The following ALDH1A1 variants were observed in gnomAD, a reference collection of about 807,000 sequenced individuals.
ALDH1A1 encodes aldehyde dehydrogenase 1 family member A1.
Under a neutral mutation model 62.1 loss-of-function variants are expected in ALDH1A1, and 19 were observed. The observed-to-expected ratio is 0.31, with a 90% CI of 0.21 to 0.45. The LOEUF (loss-of-function observed/expected upper bound fraction) is 0.45, where lower values mean the gene tolerates loss of function less well. Ranked by LOEUF, ALDH1A1 falls within the 20% of genes least tolerant of loss-of-function variation. The probability of loss-of-function intolerance (pLI) is 1.00; values close to 1 mark genes in which losing one functional copy is unlikely to be tolerated. For synonymous variants in ALDH1A1, 231 were observed against 215.9 expected, an observed-to-expected ratio of 1.07 and a Z score of -0.61; for missense variants, 521 against 607.1, an observed-to-expected ratio of 0.86 and a Z score of 1.49.
intron 1 of ALDH1A1, among the ~76,000 whole-genome samples, chr9:72,947,224 G>T (rs2118581363): frequency 6.6e-6 from 1 of 152,058 alleles, no homozygotes; most frequent in South Asian, 2.1e-4. Context: ...TTCTGTCACT[G>T]GTTTGTAGCC....
chr9:72,932,796 A>T (rs1830299301), intron 2 of ALDH1A1, among the ~76,000 whole-genome samples: 1 of 152,224 alleles, frequency 6.6e-6, no homozygotes, highest in Non-Finnish European at 1.5e-5. Flanking sequence ...TGAGATTGTC[A>T]GCATGATCTG....
At chr9:72,938,262 A>G (rs116035231) in intron 2 of ALDH1A1, among the ~76,000 whole-genome samples, 3 of 152,250 alleles carry the variant, frequency 2.0e-5, no homozygotes, top group Non-Finnish European at 4.4e-5. Context: ...ATAATAAAAT[A>G]AAATAAAACA....
At chr9:72,919,653 CATT>C (rs1440692334) in intron 7 of ALDH1A1, among the ~76,000 whole-genome samples, 1 of 152,226 alleles carries the variant, frequency 6.6e-6, no homozygotes, top group Non-Finnish European at 1.5e-5. Flanking sequence ...TACCTCTCCT[CATT>C]AGTATCTATG....
intron 8 of ALDH1A1, among the ~76,000 whole-genome samples, chr9:72,917,392 G>C (rs939268226): frequency 6.6e-6 from 1 of 151,718 alleles, no homozygotes; most frequent in Non-Finnish European, 1.5e-5. Context: ...AAATCTCTTT[G>C]GAAATGATTT....
chr9:72,924,926 G>C (rs1399434824), intron 6 of ALDH1A1, among the ~76,000 whole-genome samples: 1 of 152,178 alleles, frequency 6.6e-6, no homozygotes, highest in African/African-American at 2.4e-5. Flanking sequence ...TGATGAAAAT[G>C]TTTTACATGT....
intron 11 of ALDH1A1, among the ~76,000 whole-genome samples, 165 bp from the exon 12 acceptor site, chr9:72,906,197 A>T (rs1180335016): frequency 6.6e-6 from 1 of 152,232 alleles, no homozygotes; most frequent in Non-Finnish European, 1.5e-5. Context: ...GAATGCAGAC[A>T]TATATGGATA....
At chr9:72,916,124 G>T (rs982529190) in intron 9 of ALDH1A1, among the ~76,000 whole-genome samples, 2 of 152,044 alleles carry the variant, frequency 1.3e-5, no homozygotes, top group East Asian at 3.9e-4. Flanking sequence ...TAGAGCCACC[G>T]CTTCTCACCA....
intron 2 of ALDH1A1, among the ~76,000 whole-genome samples, chr9:72,932,210 A>T (rs986307652): frequency 6.6e-6 from 1 of 152,234 alleles, no homozygotes; most frequent in South Asian, 2.1e-4. Context: ...GTAGGTTGCA[A>T]TATTTTGCAG....
intron 1 of ALDH1A1, among the ~76,000 whole-genome samples, chr9:72,943,334 A>G (rs1051289307): frequency 2.0e-5 from 3 of 152,158 alleles, no homozygotes; most frequent in African/African-American, 7.2e-5. Flanking sequence ...AATATATTAT[A>G]GCTTATTTTA....
At chr9:72,931,109 C>A in intron 2 of ALDH1A1, 90 bp from the exon 3 acceptor site, 1 of 1,447,314 alleles carries the variant, frequency 6.9e-7, no homozygotes. Flanking sequence ...GACTGTAGTG[C>A]CTCATAAGCA....
At chr9:72,905,501 G>T (rs1471313759) in intron 12 of ALDH1A1, among the ~76,000 whole-genome samples, 1 of 151,948 alleles carries the variant, frequency 6.6e-6, no homozygotes, top group Non-Finnish European at 1.5e-5. Context: ...CAACAAATGG[G>T]AATCATTCCT....
At position 72,924,021 on chromosome 9, in the gene ALDH1A1, C is replaced by T. The variant is rs771937157; in HGVS notation, c.745G>A (p.Glu249Lys). ...IDKVAFTGST[E>K]VGKLIKEAAG... ...TTGCCCTGAGTAAATAATATTACCT[C>T]TGTTGATCCTGTGAAGGCTACTTTG... Residue 249 changes from glutamate to lysine, a missense_variant and splice_region_variant, in exon 7 of 13, where the codon GAG becomes AAG. Physicochemically the swap from Glu to Lys is moderately conservative, Grantham distance 56. Transcript: ENST00000297785. The T allele has an allele frequency of 1.9e-6, 3 of 1,598,274 alleles. No homozygotes were observed. The highest frequency in any genetic ancestry group is 1.4e-5 in the African/African-American group (1 of 73,974).
chr9:72,944,465 A>G (rs1830452482), intron 1 of ALDH1A1, among the ~76,000 whole-genome samples: 1 of 152,042 alleles, frequency 6.6e-6, no homozygotes, highest in Admixed American at 6.6e-5. Context: ...CATAGGGCCT[A>G]CCTCAAATAC....
At chr9:72,939,979 A>AT (rs33988381) in intron 2 of ALDH1A1, among the ~76,000 whole-genome samples, 169 bp downstream of exon 2, 87,455 of 143,568 alleles carry the variant, frequency 0.61, 26,947 homozygotes, top group Non-Finnish European at 0.67. Flanking sequence ...ACTACAGAGC[A>AT]TTTTTTTTTT....
intron 1 of ALDH1A1, among the ~76,000 whole-genome samples, chr9:72,950,305 A>G (rs955662523): frequency 6.6e-6 from 1 of 151,894 alleles, no homozygotes; most frequent in Non-Finnish European, 1.5e-5. Flanking sequence ...CAATGATCAC[A>G]TAACTTTCAA....
In ALDH1A1 at chr9:72,901,305, C is replaced by A. The variant is rs1327453787; in HGVS notation, c.1434-25G>T. On this transcript the variant is annotated intron_variant, in intron 12 of 12. Coordinates refer to ENST00000297785, the MANE Select transcript of ALDH1A1 (RefSeq NM_000689.5). ...CCTAGAGAGAAGAAAAACATACCCACAAACACCATTTAGCACAGCAGTATA... is the reference window on the plus strand; with the variant it reads ...CCTAGAGAGAAGAAAAACATACCCAAAAACACCATTTAGCACAGCAGTATA... 7 of 1,523,212 alleles carry A rather than the reference C, an allele frequency of 4.6e-6. No homozygotes were observed. The East Asian group carries it at 1.6e-4, about 34-fold the overall frequency. The allele number at this position is 1,523,212 out of a possible 1,614,324, so 94.4% of individuals were successfully genotyped here.
At chr9:72,904,456 C>T (rs548747031) in intron 12 of ALDH1A1, among the ~76,000 whole-genome samples, 1 of 152,152 alleles carries the variant, frequency 6.6e-6, no homozygotes, top group South Asian at 2.1e-4. Flanking sequence ...TGTAATGTTC[C>T]ATGCAAGAAA....
At chr9:72,921,240 CAAAAAAA>C (rs1025687679) in intron 7 of ALDH1A1, among the ~76,000 whole-genome samples, 4 of 79,082 alleles carry the variant, frequency 5.1e-5, no homozygotes, top group African/African-American at 1.2e-4. Context: ...CGACTCCTCT[CAAAAAAA>C]AAAAAAAAAA....
At chr9:72,936,721 A>G (rs1830351238) in intron 2 of ALDH1A1, among the ~76,000 whole-genome samples, 2 of 152,154 alleles carry the variant, frequency 1.3e-5, no homozygotes, top group African/African-American at 4.8e-5. Flanking sequence ...CAGTATTTCT[A>G]TGCCCAATTT....
Sources: allele counts gnomAD v4.1 joint callset (sites outside exome capture counted in the v4.1 genomes callset), GRCh38; gene constraint gnomAD v4.1.1; transcripts MANE v1.5; gene names NCBI Gene and HGNC (gene_info 2026-07-23, HGNC 2026-07-21).